BBX: variants seen among roughly 807,000 people sequenced by gnomAD.
BBX encodes the protein HMG box transcription factor BBX.
Under a neutral mutation model 100.2 loss-of-function variants are expected in BBX, and 30 were observed. The ratio of observed to expected loss-of-function variants is 0.30; its 90% CI spans 0.22 to 0.41. BBX has a LOEUF of 0.41. Ranked by LOEUF, BBX falls within the 10% of genes least tolerant of loss-of-function variation. The pLI, the probability that BBX is intolerant of heterozygous loss-of-function variation, is 1.00. For missense variants in BBX, 1,023 were observed against 1,129.8 expected (o/e 0.91, Z 1.35); for synonymous variants, 376 against 388.1 (o/e 0.97, Z 0.37).
chr3:107,579,243 A>G (rs1479002985), intron 2 of BBX, among the ~76,000 whole-genome samples: 1 of 152,206 alleles, frequency 6.6e-6, no homozygotes, highest in African/African-American at 2.4e-5. Flanking sequence ...TAGGTCTCGT[A>G]AAGGGCGAGT....
chr3:107,650,458 A>G (rs978024660), intron 3 of BBX, among the ~76,000 whole-genome samples: 1 of 152,158 alleles, frequency 6.6e-6, no homozygotes, highest in Non-Finnish European at 1.5e-5. Flanking sequence ...TAAAAAAAAA[A>G]CATGGGGACC....
chr3:107,746,097 A>G (rs903574495), intron 8 of BBX, among the ~76,000 whole-genome samples: 8 of 152,056 alleles, frequency 5.3e-5, no homozygotes, highest in African/African-American at 1.9e-4. Flanking sequence ...ACAAAATTGG[A>G]TGGATTGTAA....
chr3:107,744,377 T>C (rs928222428), intron 7 of BBX, among the ~76,000 whole-genome samples: 6 of 152,148 alleles, frequency 3.9e-5, no homozygotes, highest in African/African-American at 1.2e-4. Context: ...CTCTCTAACA[T>C]TCTAAGCTTC....
intron 2 of BBX, among the ~76,000 whole-genome samples, chr3:107,569,670 G>A (rs1576340739): frequency 1.3e-5 from 2 of 152,190 alleles, no homozygotes; most frequent in South Asian, 2.1e-4. Context: ...AAAGAATGTT[G>A]TCCAAGTTGG....
rs71113691 is a variant in BBX at position 107,797,364 on chromosome 3, A to ATATATATATATATATATATATATATG, written c.2354-1159_2354-1158insTATATATATATATATATATATATATG. 7.4e-3 allele frequency among the ~76,000 whole-genome samples: 811 copies of ATATATATATATATATATATATATATG among 109,696 alleles called. 83 individuals are homozygous for ATATATATATATATATATATATATATG. The highest frequency in any genetic ancestry group is 0.028 in the Middle Eastern group (6 of 216). The allele number at this position is 109,696 out of a possible 152,430, so 72.0% of individuals were successfully genotyped here. On this transcript the variant is annotated intron_variant, in intron 15 of 17. Coordinates refer to ENST00000325805, the MANE Select transcript of BBX (RefSeq NM_001142568.3). ...TATATATATATATATATATATATATAGCTTTATTGCCAATATCTACCTTCA... is the reference window on the plus strand; with the variant it reads ...TATATATATATATATATATATATATATATATATATATATATATATATATATGGCTTTATTGCCAATATCTACCTTCA...
At chr3:107,606,129 C>A (rs1229930252) in intron 2 of BBX, among the ~76,000 whole-genome samples, 1 of 151,948 alleles carries the variant, frequency 6.6e-6, no homozygotes, top group African/African-American at 2.4e-5. Flanking sequence ...GAGGAGTTTC[C>A]AAAGAATGAA....
intron 2 of BBX, among the ~76,000 whole-genome samples, chr3:107,576,254 TTA>T (rs1308653967): frequency 6.6e-6 from 1 of 152,230 alleles, no homozygotes; most frequent in Non-Finnish European, 1.5e-5. Flanking sequence ...GGTTCATAAA[TTA>T]TAATACTATA....
Position 107,772,746 on chromosome 3 carries a change from T to C in BBX, c.1025T>C (p.Met342Thr). The C allele has an allele frequency of 6.2e-7, 1 of 1,612,010 alleles. No individual in the cohort carries two copies. The highest frequency in any genetic ancestry group is 1.3e-5 in the African/African-American group (1 of 74,800). ...EKGKEEKEIK[M>T]EKTDETRLQK... ...GGAAAGGAAGAAAAAGAAATTAAAA[T>C]GGAGAAAACAGATGAAACTAGGTTA... Residue 342 changes from methionine to threonine, a missense_variant, in exon 11 of 18, where the codon ATG becomes ACG. Transcript: ENST00000325805.
intron 17 of BBX, among the ~76,000 whole-genome samples, chr3:107,804,634 A>G (rs1444036976): frequency 6.6e-6 from 1 of 152,196 alleles, no homozygotes; most frequent in Non-Finnish European, 1.5e-5. Flanking sequence ...CAAATGATGA[A>G]AATTTCCATG....
chr3:107,569,638 G>A (rs533154207), intron 2 of BBX, among the ~76,000 whole-genome samples: 2 of 152,264 alleles, frequency 1.3e-5, no homozygotes, highest in Admixed American at 6.5e-5. Flanking sequence ...GGCAGGTGGG[G>A]ATAACTAAAA....
chr3:107,627,976 C>T (rs886628362), intron 2 of BBX, among the ~76,000 whole-genome samples: 1 of 151,758 alleles, frequency 6.6e-6, no homozygotes, highest in African/African-American at 2.4e-5. Context: ...GGAAAATGTC[C>T]ATCATTTTAT....
At chr3:107,798,795 C>G (rs975397388) in intron 16 of BBX, 75 bp downstream of exon 16, 11 of 1,216,510 alleles carry the variant, frequency 9.0e-6, no homozygotes, top group African/African-American at 1.5e-5. Context: ...GAAGAATTGT[C>G]TTGAGCCACA....
At chr3:107,766,269 A>G (rs1441884833) in intron 10 of BBX, among the ~76,000 whole-genome samples, 20 of 152,350 alleles carry the variant, frequency 1.3e-4, no homozygotes, top group Non-Finnish European at 4.4e-5. Flanking sequence ...ATAAACTCTA[A>G]TGAATTCATT....
Position 107,674,041 on chromosome 3 carries a change from CAT to C in BBX, c.-10+28137_-10+28138del, listed in dbSNP as rs1168987726. Among the ~76,000 whole-genome samples the C allele has an allele frequency of 5.3e-5, 8 of 152,206 alleles. No homozygotes were observed. In the East Asian group the frequency reaches 1.5e-3, roughly 29 times the overall value. On this transcript the variant is annotated intron_variant, in intron 3 of 17. Transcript: ENST00000325805. ...TCTTTAGAAAAAAAATGCATTCAAA[CAT>C]ATATGATAGAATTTGACGCAAACCA...
At chr3:107,688,181 A>G (rs2059956023) in intron 3 of BBX, among the ~76,000 whole-genome samples, 1 of 152,210 alleles carries the variant, frequency 6.6e-6, no homozygotes, top group Non-Finnish European at 1.5e-5. Context: ...CTTCAGCATT[A>G]CTTTCCTATA....
At position 107,653,834 on chromosome 3, in the gene BBX, T is replaced by C. The variant is rs565181939; in HGVS notation, c.-10+7925T>C. On this transcript the variant is annotated intron_variant, in intron 3 of 17. Coordinates refer to ENST00000325805, the MANE Select transcript of BBX (RefSeq NM_001142568.3). ...AAGGGGCTTAGCAACCTACTGTTTA[T>C]GTGGTGAGCACTGTCCTAATAAGTT... Among the ~76,000 whole-genome samples the C allele has an allele frequency of 7.2e-5, 11 of 152,320 alleles. No individual in the cohort carries two copies. In the East Asian group the frequency reaches 2.1e-3, roughly 29 times the overall value.
At chr3:107,639,831 A>G (rs1366407115) in intron 2 of BBX, among the ~76,000 whole-genome samples, 1 of 152,222 alleles carries the variant, frequency 6.6e-6, no homozygotes, top group Admixed American at 6.5e-5. Context: ...TGAGACTGTC[A>G]GAATTAAACA....
chr3:107,592,714 AG>A (rs1298537672), intron 2 of BBX, among the ~76,000 whole-genome samples: 6 of 152,198 alleles, frequency 3.9e-5, no homozygotes, highest in Non-Finnish European at 5.9e-5. Context: ...TTTTCAAATA[AG>A]TATGTTTAGA....
intron 2 of BBX, among the ~76,000 whole-genome samples, chr3:107,605,386 T>TTGGG (rs397704921): frequency 6.7e-6 from 1 of 149,206 alleles, no homozygotes; most frequent in Admixed American, 6.7e-5. Flanking sequence ...TTTTTTTTTT[T>TTGGG]GGGGGGGGGA....
Sources: allele counts gnomAD v4.1 joint callset (sites outside exome capture counted in the v4.1 genomes callset), GRCh38; gene constraint gnomAD v4.1.1; transcripts MANE v1.5; gene names NCBI Gene and HGNC (gene_info 2026-07-23, HGNC 2026-07-21).